SMIM14: variants seen among roughly 807,000 people sequenced by gnomAD.
SMIM14 encodes the protein small integral membrane protein 14.
In SMIM14, 5 loss-of-function variants were observed where a neutral mutation model predicts 12.6. The ratio of observed to expected loss-of-function variants is 0.40; its 90% CI spans 0.21 to 0.83. The LOEUF is 0.83. SMIM14 is among the 40% of genes least tolerant of loss of function. SMIM14 has a pLI of 0.37. For missense variants in SMIM14, 86 were observed against 119.1 expected, an observed-to-expected ratio of 0.72 and a Z score of 1.29; for synonymous variants, 30 against 40.1, an observed-to-expected ratio of 0.75 and a Z score of 0.95.
chr4:39,603,427 C>T (rs975017547), intron 2 of SMIM14, among the ~76,000 whole-genome samples: 24 of 151,730 alleles, frequency 1.6e-4, no homozygotes, highest in Admixed American at 3.3e-4. Flanking sequence ...GGCATGGGGG[C>T]GGGCACCTGT....
intron 2 of SMIM14, among the ~76,000 whole-genome samples, chr4:39,601,440 ATC>A (rs1714607939): frequency 6.6e-6 from 1 of 152,230 alleles, no homozygotes; most frequent in Non-Finnish European, 1.5e-5. Flanking sequence ...GTGAGAATAA[ATC>A]TGTTCTGTCA....
chr4:39,637,333 C>T (rs1716133468), intron 1 of SMIM14, among the ~76,000 whole-genome samples: 1 of 152,108 alleles, frequency 6.6e-6, no homozygotes, highest in Non-Finnish European at 1.5e-5. Context: ...AGAAATCTTT[C>T]CTTCTTCTAA....
In SMIM14 at chr4:39,558,541, G is replaced by A. The variant is rs770951271; in HGVS notation, c.125-1971C>T. Reference sequence around the variant, plus strand: ...GGCATATACACAGTGGGCTCCGTGGGAACTTGCATAGGGCGGAGTGGGCTT... The same window carrying A: ...GGCATATACACAGTGGGCTCCGTGGAAACTTGCATAGGGCGGAGTGGGCTT... On this transcript the variant is annotated intron_variant, in intron 3 of 4. Transcript: ENST00000295958. This position sits in a 1 kb window ranked among gnomAD's most constrained non-coding sequence, Gnocchi z 4.3. Among the ~76,000 whole-genome samples, 50 of 152,286 alleles carry A rather than the reference G, an allele frequency of 3.3e-4. No homozygotes were observed. The highest frequency in any genetic ancestry group is 1.9e-4 in the Non-Finnish European group (13 of 68,018).
rs545690169 is a variant in SMIM14, at chr4:39,552,188, T to C, written c.268-30A>G. Reference sequence around the variant, plus strand: ...CATTAGAAAGAAATAAATTATTTAATTGACTTTTTAAAAATTCAAAAAAAT... The same window carrying C: ...CATTAGAAAGAAATAAATTATTTAACTGACTTTTTAAAAATTCAAAAAAAT... On this transcript the variant is annotated intron_variant, in intron 4 of 4. Transcript: ENST00000295958. 6.6e-5 allele frequency: 102 copies of C among 1,544,326 alleles called. 1 individual carries two copies. The highest frequency in any genetic ancestry group is 4.2e-4 in the South Asian group (33 of 78,682).
rs1328971816 is a variant in SMIM14, at chr4:39,546,453, A to G, written c.*5673T>C. The G allele has an allele frequency of 6.6e-6, 1 of 152,284 alleles. No homozygotes were observed. The highest frequency in any genetic ancestry group is 6.5e-5 in the Admixed American group (1 of 15,290). The allele number at this position is 152,284 out of a possible 1,614,324, so 9.4% of individuals were successfully genotyped here. ...TCACACAGGTAACTCCAATTTTTAA[A>G]AATATGATCATGAAAGATAATTGTA... On this transcript the variant is annotated 3_prime_UTR_variant, in exon 5 of 5. Coordinates refer to ENST00000295958, the MANE Select transcript of SMIM14 (RefSeq NM_174921.3).
At chr4:39,604,661 A>G (rs1159658778) in intron 2 of SMIM14, among the ~76,000 whole-genome samples, 1 of 151,704 alleles carries the variant, frequency 6.6e-6, no homozygotes, top group African/African-American at 2.4e-5. Flanking sequence ...CCCAGGCTAG[A>G]GTGCAGTGGC....
At chr4:39,591,931 C>T (rs138420559) in intron 2 of SMIM14, among the ~76,000 whole-genome samples, 7 of 152,040 alleles carry the variant, frequency 4.6e-5, no homozygotes, top group African/African-American at 7.2e-5. Context: ...AGGTGGCTCA[C>T]GACTGTAATC....
chr4:39,555,205 G>C (rs1711949652), intron 4 of SMIM14, among the ~76,000 whole-genome samples: 1 of 151,104 alleles, frequency 6.6e-6, no homozygotes, highest in Admixed American at 6.6e-5. Context: ...TACTGGTTCT[G>C]AAAAGGATTA....
intron 1 of SMIM14, among the ~76,000 whole-genome samples, chr4:39,635,686 A>G: frequency 6.6e-6 from 1 of 152,204 alleles, no homozygotes. Context: ...GAAAATAGAG[A>G]TTTAAAGATT....
chr4:39,617,525 C>T (rs1248913059), intron 1 of SMIM14, among the ~76,000 whole-genome samples: 1 of 152,068 alleles, frequency 6.6e-6, no homozygotes, highest in East Asian at 1.9e-4. Context: ...CCTGTCTTAC[C>T]CTCTATCATC....
chr4:39,628,720 CT>C (rs541461723), intron 1 of SMIM14, among the ~76,000 whole-genome samples: 252 of 135,212 alleles, frequency 1.9e-3, no homozygotes, highest in Admixed American at 2.1e-3. Flanking sequence ...AAATGTTTTT[CT>C]TTTTTTTTTT....
At chr4:39,597,438 ATTTTT>A (rs869157163) in intron 2 of SMIM14, among the ~76,000 whole-genome samples, 1 of 116,546 alleles carries the variant, frequency 8.6e-6, no homozygotes, top group African/African-American at 3.1e-5. Flanking sequence ...CACTGGTGGT[ATTTTT>A]TTTTTTTTTT....
At chr4:39,601,152 T>G (rs1714596632) in intron 2 of SMIM14, among the ~76,000 whole-genome samples, 1 of 152,198 alleles carries the variant, frequency 6.6e-6, no homozygotes, top group South Asian at 2.1e-4. Context: ...TGTATATTCC[T>G]TGGCAAAGCT....
At chr4:39,584,352 T>A (rs761021599) in intron 2 of SMIM14, among the ~76,000 whole-genome samples, 1 of 150,728 alleles carries the variant, frequency 6.6e-6, no homozygotes, top group Non-Finnish European at 1.5e-5. Flanking sequence ...CATGCTGGTG[T>A]GCACCTATAA....
At chr4:39,590,633 C>T (rs776477380) in intron 2 of SMIM14, among the ~76,000 whole-genome samples, 86 of 151,606 alleles carry the variant, frequency 5.7e-4, no homozygotes, top group Non-Finnish European at 7.1e-4. Flanking sequence ...GAAACCCCGT[C>T]TCTACTAAAA....
chr4:39,561,531 C>T (rs914179958), intron 3 of SMIM14, among the ~76,000 whole-genome samples: 5 of 152,126 alleles, frequency 3.3e-5, no homozygotes, highest in Non-Finnish European at 7.4e-5. Context: ...TTTTAATATT[C>T]TTTGCAAGTA....
chr4:39,596,258 G>C lies in SMIM14; in HGVS notation c.75+8813C>G, dbSNP rs528496697. Among the ~76,000 whole-genome samples the C allele has an allele frequency of 1.9e-4, 29 of 152,180 alleles. 1 individual carries two copies. In the South Asian group the frequency reaches 5.8e-3, roughly 31 times the overall value. ...TTACAGGCATGTGCCACCACGCCTG[G>C]CTAATTTTGCATTTTTAGTAGAGAC... is the stretch of plus-strand genomic sequence containing the variant. On this transcript the variant is annotated intron_variant, in intron 2 of 4. Coordinates refer to ENST00000295958, the MANE Select transcript of SMIM14 (RefSeq NM_174921.3).
At chr4:39,614,705 G>A (rs1055859339) in intron 1 of SMIM14, among the ~76,000 whole-genome samples, 1 of 152,072 alleles carries the variant, frequency 6.6e-6, no homozygotes, top group Non-Finnish European at 1.5e-5. Flanking sequence ...TTTTGTGATA[G>A]CAATCTGACT....
chr4:39,604,538 A>AAATAAT (rs1053701127), intron 2 of SMIM14, among the ~76,000 whole-genome samples: 2 of 151,568 alleles, frequency 1.3e-5, no homozygotes, highest in African/African-American at 2.4e-5. Context: ...CTCCATCTCA[A>AAATAAT]AATAATAATA....
Sources: allele counts gnomAD v4.1 joint callset (sites outside exome capture counted in the v4.1 genomes callset), GRCh38; gene constraint gnomAD v4.1.1; non-coding constraint Gnocchi (gnomAD v3.1); transcripts MANE v1.5; gene names NCBI Gene and HGNC (gene_info 2026-07-23, HGNC 2026-07-21).